CDH12: variants seen among roughly 807,000 people sequenced by gnomAD.
CDH12 encodes cadherin-12.
In CDH12, 41 loss-of-function variants were observed where a neutral mutation model predicts 74.1. The ratio of observed to expected loss-of-function variants is 0.55; its 90% confidence interval spans 0.43 to 0.72. The LOEUF is 0.72. Ranked by LOEUF, CDH12 falls within the 30% of genes least tolerant of loss-of-function variation. CDH12 has a pLI of 0.00. For missense variants in CDH12, 945 were observed against 977.2 expected (o/e 0.97, Z 0.44); for synonymous variants, 399 against 355.0 (o/e 1.12, Z -1.39).
rs1747023060 is a variant in CDH12, at chr5:22,144,425, A to G, written c.-186-65563T>C. Among the ~76,000 whole-genome samples, 3 of 152,162 alleles carry G rather than the reference A, an allele frequency of 2.0e-5. No homozygotes were observed. In the South Asian group the frequency reaches 6.2e-4, roughly 32 times the overall value. On this transcript the variant is annotated intron_variant, in intron 4 of 14. Transcript: ENST00000382254. ...TTTAATTAATGTACTACTAATCATA[A>G]CAGTGTTAGTTACAATTTTGTCTTC...
intron 5 of CDH12, among the ~76,000 whole-genome samples, chr5:22,016,033 G>A (rs185155231): frequency 1.3e-5 from 2 of 151,752 alleles, no homozygotes; most frequent in African/African-American, 4.9e-5. Flanking sequence ...AATCTCTTTA[G>A]AAATATATAA....
chr5:21,940,830 T>C (rs1755295371), intron 6 of CDH12, among the ~76,000 whole-genome samples: 1 of 152,054 alleles, frequency 6.6e-6, no homozygotes, highest in Admixed American at 6.6e-5. Flanking sequence ...TCTCTGTTTC[T>C]TTCTCTCTGT....
At chr5:21,801,146 C>T (rs961468888) in intron 10 of CDH12, among the ~76,000 whole-genome samples, 1 of 152,128 alleles carries the variant, frequency 6.6e-6, no homozygotes, top group Admixed American at 6.5e-5. Context: ...GCTGTCAAGC[C>T]ATTTCCTGAG....
At chr5:21,833,638 T>C (rs951977066) in intron 8 of CDH12, among the ~76,000 whole-genome samples, 1 of 110,386 alleles carries the variant, frequency 9.1e-6, no homozygotes, top group Non-Finnish European at 1.8e-5. Flanking sequence ...ATGTATCTCA[T>C]ATATATGCAT....
intron 6 of CDH12, among the ~76,000 whole-genome samples, chr5:21,868,125 C>T (rs1751428638): frequency 6.6e-6 from 1 of 151,848 alleles, no homozygotes; most frequent in Admixed American, 6.6e-5. Flanking sequence ...GAGGCCTCCC[C>T]AGCCATGTGG....
At chr5:22,163,201 G>T (rs1331131751) in intron 4 of CDH12, among the ~76,000 whole-genome samples, 1 of 152,096 alleles carries the variant, frequency 6.6e-6, no homozygotes, top group Non-Finnish European at 1.5e-5. Context: ...TTTTAATGTT[G>T]CATCTCAAGG....
intron 1 of CDH12, among the ~76,000 whole-genome samples, chr5:22,626,531 CA>C (rs1738306699): frequency 6.6e-6 from 1 of 152,168 alleles, no homozygotes; most frequent in African/African-American, 2.4e-5. Context: ...GTTGACCTAA[CA>C]TCCCTTATAC....
intron 3 of CDH12, among the ~76,000 whole-genome samples, chr5:22,388,734 T>C (rs575598589): frequency 6.6e-6 from 1 of 152,290 alleles, no homozygotes; most frequent in Admixed American, 6.5e-5. Flanking sequence ...ATCACATAAA[T>C]GTGAAATGTT....
intron 10 of CDH12, among the ~76,000 whole-genome samples, chr5:21,797,227 T>A (rs1392550652): frequency 6.6e-6 from 1 of 151,880 alleles, no homozygotes; most frequent in African/African-American, 2.4e-5. Context: ...ATGATGAAGA[T>A]GATGATGATA....
intron 5 of CDH12, among the ~76,000 whole-genome samples, chr5:22,032,934 G>C (rs1195316876): frequency 1.3e-5 from 2 of 150,634 alleles, no homozygotes; most frequent in African/African-American, 4.9e-5. Context: ...GTGGGACAGA[G>C]GAGAACAGAC....
intron 1 of CDH12, among the ~76,000 whole-genome samples, chr5:22,711,691 T>C (rs1743295922): frequency 1.3e-5 from 2 of 152,048 alleles, no homozygotes; most frequent in South Asian, 4.1e-4. Flanking sequence ...TTTTTATTGC[T>C]TTTCTGAAAC....
chr5:22,727,088 T>C (rs1744201108), intron 1 of CDH12, among the ~76,000 whole-genome samples: 1 of 151,820 alleles, frequency 6.6e-6, no homozygotes, highest in Non-Finnish European at 1.5e-5. Context: ...ACAAGGCATT[T>C]GTTTATTAGC....
At chr5:22,591,927 G>A (rs1313718630) in intron 1 of CDH12, among the ~76,000 whole-genome samples, 3 of 151,990 alleles carry the variant, frequency 2.0e-5, no homozygotes, top group Non-Finnish European at 4.4e-5. Flanking sequence ...GCTTCCTTGA[G>A]ATATCATTTA....
intron 1 of CDH12, among the ~76,000 whole-genome samples, chr5:22,630,134 A>G (rs1738506514): frequency 6.6e-6 from 1 of 152,070 alleles, no homozygotes; most frequent in African/African-American, 2.4e-5. Context: ...AAAAACATTC[A>G]GTGCTCATGG....
intron 2 of CDH12, among the ~76,000 whole-genome samples, chr5:22,476,324 C>A (rs1746166234): frequency 2.0e-5 from 3 of 151,748 alleles, no homozygotes; most frequent in Admixed American, 2.0e-4. Context: ...AGGAATTAAA[C>A]CAAATTATAT....
chr5:21,895,532 A>G (rs965433203), intron 6 of CDH12, among the ~76,000 whole-genome samples: 1 of 152,290 alleles, frequency 6.6e-6, no homozygotes, highest in East Asian at 1.9e-4. Context: ...GCAGCAGGGA[A>G]TGTTTCCAGA....
intron 4 of CDH12, among the ~76,000 whole-genome samples, chr5:22,200,670 C>T (rs190521429): frequency 3.9e-5 from 6 of 152,230 alleles, no homozygotes; most frequent in Admixed American, 3.3e-4. Flanking sequence ...GACATTTCAT[C>T]AAGGGGACGT....
At chr5:22,381,941 A>G (rs1258790909) in intron 3 of CDH12, among the ~76,000 whole-genome samples, 1 of 150,200 alleles carries the variant, frequency 6.7e-6, no homozygotes, top group Non-Finnish European at 1.5e-5. Flanking sequence ...ATATTTCTAT[A>G]GAGAGAGAAG....
intron 3 of CDH12, among the ~76,000 whole-genome samples, chr5:22,229,650 C>A (rs1199120349): frequency 6.6e-6 from 1 of 152,016 alleles, no homozygotes; most frequent in African/African-American, 2.4e-5. Flanking sequence ...GAGTACTTTT[C>A]TCCAAATGAT....
Sources: gnomAD v4.1 joint callset for allele counts (sites outside exome capture counted in the v4.1 genomes callset) on GRCh38, gnomAD v4.1.1 for gene constraint, MANE v1.5 for transcripts, NCBI Gene and HGNC (gene_info 2026-07-23, HGNC 2026-07-21) for gene names.